The following CTNND2 variants were observed in gnomAD, a reference collection of about 807,000 sequenced individuals.
CTNND2 encodes the protein catenin delta 2, also known as catenin delta-2.
In CTNND2, 22 loss-of-function variants were observed where a neutral mutation model predicts 144.4. The observed-to-expected ratio is 0.15, with a 90% CI of 0.11 to 0.22. The LOEUF (loss-of-function observed/expected upper bound fraction) is 0.22. CTNND2 is among the 10% of genes least tolerant of loss of function. The probability of loss-of-function intolerance (pLI) is 1.00; values close to 1 mark genes in which losing one functional copy is unlikely to be tolerated. For synonymous variants in CTNND2, 751 were observed against 695.6 expected (o/e 1.08, Z -1.25); for missense variants, 1,353 against 1,618.8 (o/e 0.84, Z 2.82).
chr5:11,638,037 C>T (rs566316703), intron 2 of CTNND2, among the ~76,000 whole-genome samples: 16 of 152,228 alleles, frequency 1.1e-4, no homozygotes, highest in South Asian at 4.1e-4. Flanking sequence ...TTTTTCATCA[C>T]GTAAATTAGC....
intron 21 of CTNND2, among the ~76,000 whole-genome samples, chr5:10,980,467 C>T (rs1271040183): frequency 6.6e-6 from 1 of 152,100 alleles, no homozygotes; most frequent in Non-Finnish European, 1.5e-5. Context: ...ATTAGTTCAA[C>T]CATTGTGGAA....
At chr5:11,677,606 T>C (rs1375225436) in intron 2 of CTNND2, among the ~76,000 whole-genome samples, 7 of 152,076 alleles carry the variant, frequency 4.6e-5, no homozygotes, top group Admixed American at 2.6e-4. Flanking sequence ...AAAACACTGA[T>C]AGATAATAAT....
chr5:11,122,102 G>A (rs747153801), intron 12 of CTNND2, among the ~76,000 whole-genome samples: 3 of 152,066 alleles, frequency 2.0e-5, no homozygotes, highest in Admixed American at 6.5e-5. Context: ...AGGAAAGCAG[G>A]GGCACATTTA....
intron 16 of CTNND2, among the ~76,000 whole-genome samples, chr5:11,067,906 A>G (rs537694775): frequency 6.6e-6 from 1 of 151,966 alleles, no homozygotes; most frequent in African/African-American, 2.4e-5. Flanking sequence ...TAATATTCCT[A>G]CTCTCTCTAT....
At chr5:11,208,004 T>C (rs1351649689) in intron 10 of CTNND2, among the ~76,000 whole-genome samples, 3 of 152,122 alleles carry the variant, frequency 2.0e-5, no homozygotes, top group Non-Finnish European at 1.5e-5. Context: ...AAACTTAAAA[T>C]TTTAAAAATG....
At chr5:11,631,747 G>A (rs1304811102) in intron 2 of CTNND2, among the ~76,000 whole-genome samples, 5 of 152,176 alleles carry the variant, frequency 3.3e-5, no homozygotes, top group Admixed American at 3.3e-4. Context: ...CTCCCCTGCT[G>A]CAGCATGCTG....
intron 10 of CTNND2, among the ~76,000 whole-genome samples, chr5:11,224,345 G>A (rs1033799404): frequency 2.0e-5 from 3 of 152,264 alleles, no homozygotes; most frequent in African/African-American, 7.2e-5. Context: ...AGTGCTCACT[G>A]TGGATCACAT....
chr5:11,790,971 T>G (rs1300029143), intron 1 of CTNND2, among the ~76,000 whole-genome samples: 1 of 152,090 alleles, frequency 6.6e-6, no homozygotes, highest in East Asian at 1.9e-4. Flanking sequence ...TACACTGGGA[T>G]GGGATGGGCC....
At chr5:11,644,145 A>G (rs1782221111) in intron 2 of CTNND2, among the ~76,000 whole-genome samples, 1 of 152,130 alleles carries the variant, frequency 6.6e-6, no homozygotes, top group Non-Finnish European at 1.5e-5. Context: ...GGAGAGTTTC[A>G]TTAATAGTTG....
intron 12 of CTNND2, among the ~76,000 whole-genome samples, chr5:11,153,814 C>T (rs566259545): frequency 3.9e-5 from 6 of 152,184 alleles, no homozygotes; most frequent in Admixed American, 3.3e-4. Context: ...TCAGCGGCAC[C>T]GGGAAATGAG....
At chr5:11,569,740 T>A (rs571477418) in intron 2 of CTNND2, among the ~76,000 whole-genome samples, 3 of 152,260 alleles carry the variant, frequency 2.0e-5, no homozygotes, top group Admixed American at 6.5e-5. Context: ...TATTGAGGCT[T>A]CTTCATTTCT....
chr5:11,727,497 CA>C (rs1439164010), intron 2 of CTNND2, among the ~76,000 whole-genome samples: 1 of 152,096 alleles, frequency 6.6e-6, no homozygotes, highest in Non-Finnish European at 1.5e-5. Context: ...GTTTCTGCAA[CA>C]AAAGTTAAAG....
chr5:11,506,306 T>C lies in CTNND2; in HGVS notation c.287+58638A>G, dbSNP rs545549565. 1.8e-4 allele frequency among the ~76,000 whole-genome samples: 27 copies of C among 152,302 alleles called. No individual in the cohort carries two copies. The South Asian group carries it at 5.4e-3, about 30-fold the overall frequency. ...TGGGAAAGTTACTTAACTAAGACGCTTTTTCTTACCTACAACACAGGGATA... is the reference window on the plus strand; with the variant it reads ...TGGGAAAGTTACTTAACTAAGACGCCTTTTCTTACCTACAACACAGGGATA... On this transcript the variant is annotated intron_variant, in intron 3 of 21. Coordinates refer to ENST00000304623, the MANE Select transcript of CTNND2 (RefSeq NM_001332.4).
chr5:10,995,506 C>T (rs1166756088), intron 18 of CTNND2, among the ~76,000 whole-genome samples: 1 of 152,130 alleles, frequency 6.6e-6, no homozygotes. Context: ...CTCCAGCGGT[C>T]CCAAAAGATA....
At chr5:11,657,721 C>G (rs1782990055) in intron 2 of CTNND2, among the ~76,000 whole-genome samples, 1 of 152,034 alleles carries the variant, frequency 6.6e-6, no homozygotes, top group Admixed American at 6.6e-5. Flanking sequence ...GCACATCAAT[C>G]AAAATAATTT....
At chr5:11,761,073 T>C (rs1403083864) in intron 1 of CTNND2, among the ~76,000 whole-genome samples, 1 of 152,168 alleles carries the variant, frequency 6.6e-6, no homozygotes, top group Non-Finnish European at 1.5e-5. Context: ...TACTGGTACT[T>C]GATGATGTCA....
At position 11,471,426 on chromosome 5, in the gene CTNND2, T is replaced by TAAAGA. The variant is rs1218135421; in HGVS notation, c.288-59358_288-59357insTCTTT. ...AAAAAAGTTTCTTCGATTGTTTCTT[T>TAAAGA]AACAAAGAGAATCAAGGACTGATTA... On this transcript the variant is annotated intron_variant, in intron 3 of 21. Coordinates refer to ENST00000304623, the MANE Select transcript of CTNND2 (RefSeq NM_001332.4). Among the ~76,000 whole-genome samples the TAAAGA allele has an allele frequency of 5.3e-5, 8 of 152,336 alleles. No homozygotes were observed. The South Asian group carries it at 1.0e-3, about 20-fold the overall frequency.
chr5:11,435,050 T>G (rs113362602), intron 3 of CTNND2, among the ~76,000 whole-genome samples: 118 of 152,214 alleles, frequency 7.8e-4, no homozygotes, highest in Non-Finnish European at 1.6e-3. Flanking sequence ...ATATTCAGTG[T>G]CACGAGATAA....
intron 9 of CTNND2, among the ~76,000 whole-genome samples, chr5:11,328,867 G>C (rs1363333614): frequency 6.6e-6 from 1 of 152,222 alleles, no homozygotes; most frequent in Non-Finnish European, 1.5e-5. Flanking sequence ...TCCAGACTGA[G>C]CCTCTTGTAT....
Sources: allele counts gnomAD v4.1 joint callset (sites outside exome capture counted in the v4.1 genomes callset), GRCh38; gene constraint gnomAD v4.1.1; transcripts MANE v1.5; gene names NCBI Gene and HGNC (gene_info 2026-07-23, HGNC 2026-07-21).